Variants in SEMA6D observed in about 807,000 individuals in gnomAD.
The protein encoded by SEMA6D is semaphorin-6D.
A neutral mutation model predicts 106.6 loss-of-function variants in SEMA6D; 35 were observed. That is an observed-to-expected ratio of 0.33 (90% CI 0.25 to 0.44). The LOEUF (loss-of-function observed/expected upper bound fraction) is 0.44. Among genes scored for constraint, SEMA6D ranks in the 20% least tolerant of loss-of-function variants. The pLI is 1.00. For synonymous variants in SEMA6D, 499 were observed against 487.7 expected (o/e 1.02, Z -0.31); for missense variants, 1,185 against 1,345.9 (o/e 0.88, Z 1.87).
intron 3 of SEMA6D, among the ~76,000 whole-genome samples, chr15:47,506,019 ACT>A (rs1216647541): frequency 1.3e-5 from 2 of 151,794 alleles, no homozygotes; most frequent in Admixed American, 6.6e-5. Flanking sequence ...TCTGCTAGAA[ACT>A]CTACCCGAGG....
intron 3 of SEMA6D, among the ~76,000 whole-genome samples, chr15:47,598,261 C>T (rs2076577017): frequency 6.6e-6 from 1 of 152,028 alleles, no homozygotes; most frequent in East Asian, 1.9e-4. Flanking sequence ...CACTTCAGTG[C>T]CCTCATAATA....
chr15:47,330,211 T>C (rs2037289594), intron 1 of SEMA6D, among the ~76,000 whole-genome samples: 1 of 152,186 alleles, frequency 6.6e-6, no homozygotes, highest in Admixed American at 6.5e-5. Flanking sequence ...ATGTATATGT[T>C]TGCATGTGAA....
chr15:47,464,844 G>T (rs562303941), intron 2 of SEMA6D, among the ~76,000 whole-genome samples: 1 of 152,248 alleles, frequency 6.6e-6, no homozygotes, highest in South Asian at 2.1e-4. Context: ...CCCATGGATT[G>T]CTCCACCCCA....
intron 1 of SEMA6D, among the ~76,000 whole-genome samples, chr15:47,756,522 T>C (rs1597020492): frequency 6.6e-6 from 1 of 152,206 alleles, no homozygotes; most frequent in Non-Finnish European, 1.5e-5. Context: ...TTACATTTGA[T>C]GAAACTGAGG....
chr15:47,597,860 T>A (rs2076568087), intron 3 of SEMA6D, among the ~76,000 whole-genome samples: 1 of 149,066 alleles, frequency 6.7e-6, no homozygotes, highest in Non-Finnish European at 1.5e-5. Flanking sequence ...TATATATATA[T>A]TATATATATA....
intron 4 of SEMA6D, among the ~76,000 whole-genome samples, chr15:47,641,099 C>T (rs943341865): frequency 6.6e-6 from 1 of 152,186 alleles, no homozygotes; most frequent in Non-Finnish European, 1.5e-5. Flanking sequence ...TTCCATTTCC[C>T]CACTGCTGCT....
chr15:47,710,771 G>T (rs2079001845), intron 4 of SEMA6D, among the ~76,000 whole-genome samples: 1 of 152,150 alleles, frequency 6.6e-6, no homozygotes, highest in Non-Finnish European at 1.5e-5. Flanking sequence ...AGCCAAAGAG[G>T]TTTTCATTTT....
intron 1 of SEMA6D, among the ~76,000 whole-genome samples, chr15:47,262,867 A>G (rs2034142692): frequency 6.6e-6 from 1 of 152,142 alleles, no homozygotes; most frequent in Non-Finnish European, 1.5e-5. Flanking sequence ...CAAATGGAAG[A>G]AAATAGAGAA....
At chr15:47,337,093 A>C (rs780713580) in intron 1 of SEMA6D, among the ~76,000 whole-genome samples, 22 of 152,154 alleles carry the variant, frequency 1.4e-4, no homozygotes, top group Non-Finnish European at 2.8e-4. Flanking sequence ...TGAGGGGTGC[A>C]TCAAGGTAGA....
intron 4 of SEMA6D, among the ~76,000 whole-genome samples, chr15:47,686,349 A>T (rs1257761008): frequency 6.6e-6 from 1 of 152,250 alleles, no homozygotes; most frequent in South Asian, 2.1e-4. Flanking sequence ...CTACCGTGAC[A>T]GTTTCAGTCC....
intron 1 of SEMA6D, among the ~76,000 whole-genome samples, chr15:47,387,261 C>T (rs1222349328): frequency 6.6e-6 from 1 of 152,128 alleles, no homozygotes; most frequent in Non-Finnish European, 1.5e-5. Context: ...TTAAGGGAAG[C>T]CTTGTTATTC....
At chr15:47,334,863 A>C (rs1276845419) in intron 1 of SEMA6D, among the ~76,000 whole-genome samples, 1 of 152,214 alleles carries the variant, frequency 6.6e-6, no homozygotes, top group African/African-American at 2.4e-5. Flanking sequence ...GAATTGCCTT[A>C]TTGGATATGC....
At chr15:47,672,513 A>G (rs1385353703) in intron 4 of SEMA6D, among the ~76,000 whole-genome samples, 3 of 152,224 alleles carry the variant, frequency 2.0e-5, no homozygotes, top group African/African-American at 7.2e-5. Flanking sequence ...CCTCAATTTT[A>G]AGAAAAATAT....
At chr15:47,434,454 C>T (rs998599145) in intron 2 of SEMA6D, among the ~76,000 whole-genome samples, 1 of 151,930 alleles carries the variant, frequency 6.6e-6, no homozygotes, top group Non-Finnish European at 1.5e-5. Flanking sequence ...TTTTTTTCTT[C>T]TTCCACCCTC....
At chr15:47,286,673 A>G (rs1386943762) in intron 1 of SEMA6D, among the ~76,000 whole-genome samples, 1 of 152,154 alleles carries the variant, frequency 6.6e-6, no homozygotes, top group African/African-American at 2.4e-5. Flanking sequence ...ATAGATAGGC[A>G]TTTGGAAAAG....
At chr15:47,516,208 A>T (rs2044382268) in intron 3 of SEMA6D, among the ~76,000 whole-genome samples, 1 of 152,108 alleles carries the variant, frequency 6.6e-6, no homozygotes. Flanking sequence ...ATGGTGACTT[A>T]TTTTGGCACC....
chr15:47,340,606 T>A (rs191950094), intron 1 of SEMA6D, among the ~76,000 whole-genome samples: 35 of 152,250 alleles, frequency 2.3e-4, no homozygotes, highest in African/African-American at 8.4e-4. Context: ...TTTCCAAGGG[T>A]CTGATCTAGA....
chr15:47,653,534 C>T (rs2077733070), intron 4 of SEMA6D, among the ~76,000 whole-genome samples: 1 of 152,180 alleles, frequency 6.6e-6, no homozygotes, highest in Admixed American at 6.5e-5. Context: ...TGACTTGCTC[C>T]TTTCTGGCTA....
intron 1 of SEMA6D, among the ~76,000 whole-genome samples, chr15:47,185,206 A>C (rs1893477537): frequency 6.6e-6 from 1 of 152,164 alleles, no homozygotes; most frequent in Non-Finnish European, 1.5e-5. Context: ...AGTGGGGGTC[A>C]AGGCTGCCGG....
Sources: allele counts gnomAD v4.1 joint callset (sites outside exome capture counted in the v4.1 genomes callset), GRCh38; gene constraint gnomAD v4.1.1; transcripts MANE v1.5; gene names NCBI Gene and HGNC (gene_info 2026-07-23, HGNC 2026-07-21).